The following ZNF525 variants were observed in gnomAD, a reference collection of about 807,000 sequenced individuals.
ZNF525 encodes the protein zinc finger protein 525.
A neutral mutation model predicts 37.6 loss-of-function variants in ZNF525; 33 were observed. The ratio of observed to expected loss-of-function variants is 0.88; its 90% CI spans 0.67 to 1.17. The LOEUF (loss-of-function observed/expected upper bound fraction) is 1.17, where lower values mean the gene tolerates loss of function less well. ZNF525 is among the 50% of genes most tolerant of loss of function. The pLI, the probability that ZNF525 is intolerant of heterozygous loss-of-function variation, is 0.00. For synonymous variants in ZNF525, 170 were observed against 182.3 expected (o/e 0.93, Z 0.54); for missense variants, 449 against 543.1 (o/e 0.83, Z 1.72).
chr19:53,379,752 A>G (rs995918635), intron 3 of ZNF525, among the ~76,000 whole-genome samples: 2 of 152,214 alleles, frequency 1.3e-5, no homozygotes, highest in African/African-American at 2.4e-5. Context: ...CTGCAATCCC[A>G]GGACTTTGGG....
chr19:53,383,514 G>C lies in ZNF525; in HGVS notation c.*1495G>C. 8.4e-7 allele frequency: 1 copy of C among 1,196,124 alleles called. No individual in the cohort carries two copies. Among genetic ancestry groups the C allele is most frequent in the Non-Finnish European group, 1.2e-6 (1 of 844,794 alleles). The allele number at this position is 1,196,124 out of a possible 1,614,324, so 74.1% of individuals were successfully genotyped here. On this transcript the variant is annotated 3_prime_UTR_variant, in exon 4 of 4. Transcript: ENST00000474037. ...AGAGTTTTTGACAAGGCTTTCGGACGTGATTCACACCTGGCACAACATCCC... is the reference window on the plus strand; with the variant it reads ...AGAGTTTTTGACAAGGCTTTCGGACCTGATTCACACCTGGCACAACATCCC...
Position 53,386,048 on chromosome 19 carries a change from C to G in ZNF525, c.*4029C>G. 1 of 319,184 alleles carries G rather than the reference C, an allele frequency of 3.1e-6. No individual in the cohort carries two copies. The highest frequency in any genetic ancestry group is 2.7e-5 in the South Asian group (1 of 36,510). The allele number at this position is 319,184 out of a possible 1,614,324, so 19.8% of individuals were successfully genotyped here. ...GCATGCGCCTGTAATCCCAGCTACT[C>G]AGGAGGCTGAGGCAGGGGAATCTCT... On this transcript the variant is annotated 3_prime_UTR_variant, in exon 4 of 4. Transcript: ENST00000474037.
At chr19:53,366,577 G>A (rs1342887965) in intron 1 of ZNF525, among the ~76,000 whole-genome samples, 1 of 149,978 alleles carries the variant, frequency 6.7e-6, no homozygotes, top group African/African-American at 2.5e-5. Context: ...GAGGAGAAAA[G>A]CAACTAGAGA....
rs2085585073 is a variant in ZNF525 at position 53,383,728 on chromosome 19, A to C, written c.*1709A>C. On this transcript the variant is annotated 3_prime_UTR_variant, in exon 4 of 4. Transcript: ENST00000474037. ...ACTGGAGAAGCCATAATGAAGAGAGATCTTACAAATGTAATAATTGTGGCA... is the reference window on the plus strand; with the variant it reads ...ACTGGAGAAGCCATAATGAAGAGAGCTCTTACAAATGTAATAATTGTGGCA... The C allele has an allele frequency of 4.8e-6, 3 of 619,116 alleles. No individual in the cohort carries two copies. The South Asian group carries it at 5.0e-5, about 10-fold the overall frequency. The allele number at this position is 619,116 out of a possible 1,614,324, so 38.4% of individuals were successfully genotyped here.
Position 53,383,561 on chromosome 19 carries a change from C to T in ZNF525, c.*1542C>T. 1 of 1,450,796 alleles carries T rather than the reference C, an allele frequency of 6.9e-7. No homozygotes were observed. The allele number at this position is 1,450,796 out of a possible 1,614,324, so 89.9% of individuals were successfully genotyped here. A position where few individuals can be genotyped will look rare whatever the true frequency, so the allele number is the denominator to read the frequency against. ...TCCCAGAGTTCACACTGGAGAGAAA[C>T]CTTACAAGTGTAATGAGTGTGTCAA... On this transcript the variant is annotated 3_prime_UTR_variant, in exon 4 of 4. Transcript: ENST00000474037.
chr19:53,369,175 C>T (rs12975688), intron 1 of ZNF525, among the ~76,000 whole-genome samples: 63,786 of 151,906 alleles, frequency 0.42, 15,002 homozygotes, highest in Non-Finnish European at 0.52. Context: ...CAGGTGAAAA[C>T]TTGGAGTTAT....
intron 2 of ZNF525, among the ~76,000 whole-genome samples, chr19:53,375,158 G>A (rs1463043801): frequency 6.6e-6 from 1 of 152,018 alleles, no homozygotes. Context: ...CTGGGTAGCT[G>A]GGATAACAGG....
rs893851741 is a variant in ZNF525, at chr19:53,385,879, GA to G, written c.*3869del. ...GCAGACCTTCCACATCATTTTTACA[GA>G]AAAAAAAATTAATCTTGTTCATGCT... is the stretch of plus-strand genomic sequence containing the variant. On this transcript the variant is annotated 3_prime_UTR_variant, in exon 4 of 4. Transcript: ENST00000474037. 4.4e-4 allele frequency: 72 copies of G among 163,784 alleles called. No individual in the cohort carries two copies. Among genetic ancestry groups the G allele is most frequent in the African/African-American group, 1.6e-3 (65 of 41,402 alleles). 10.1% of individuals were successfully genotyped at this position (163,784 alleles called of 1,614,324 possible).
At chr19:53,378,548 A>G (rs2085537815) in intron 3 of ZNF525, among the ~76,000 whole-genome samples, 1 of 152,210 alleles carries the variant, frequency 6.6e-6, no homozygotes, top group African/African-American at 2.4e-5. Context: ...AAACAAAAAA[A>G]GAAATAGCTT....
In ZNF525 at chr19:53,386,219, C is replaced by A; in HGVS notation, c.*4200C>A. 1 of 638,432 alleles carries A rather than the reference C, an allele frequency of 1.6e-6. No homozygotes were observed. Among genetic ancestry groups the A allele is most frequent in the Non-Finnish European group, 3.0e-6 (1 of 337,310 alleles). The allele number at this position is 638,432 out of a possible 1,614,324, so 39.5% of individuals were successfully genotyped here. A position where few individuals can be genotyped will look rare whatever the true frequency, so the allele number is the denominator to read the frequency against. On this transcript the variant is annotated 3_prime_UTR_variant, in exon 4 of 4. Coordinates refer to ENST00000474037, the MANE Select transcript of ZNF525 (RefSeq NM_001348156.2). ...CTTTGCCATCGTGGTGTGTGCTTGA[C>A]TCTGCTTCTTGCCACATCTTCTCAG...
At chr19:53,372,024 G>T (rs911228164) in intron 1 of ZNF525, among the ~76,000 whole-genome samples, 191 bp from the exon 2 acceptor site, 15 of 152,102 alleles carry the variant, frequency 9.9e-5, no homozygotes, top group African/African-American at 3.4e-4. Flanking sequence ...CTGCTGCAGC[G>T]TGTGTGTAGG....
rs2085594496 is a variant in ZNF525 at position 53,384,941 on chromosome 19, A to G, written c.*2922A>G. ...TTCATGGATGTTCTTTCTATTGTTG[A>G]GGTAAATTTCCTTTTCTATTTTGTT... On this transcript the variant is annotated 3_prime_UTR_variant, in exon 4 of 4. Transcript: ENST00000474037. 2.9e-6 allele frequency: 2 copies of G among 700,620 alleles called. No individual in the cohort carries two copies. The highest frequency in any genetic ancestry group is 3.5e-5 in the African/African-American group (2 of 57,068). 43.4% of individuals were successfully genotyped at this position (700,620 alleles called of 1,614,324 possible).
In ZNF525 at chr19:53,381,740, T is replaced by C. The variant is rs1329932203; in HGVS notation, c.1161T>C (p.Asp387=). 5 of 1,076,908 alleles carry C rather than the reference T, an allele frequency of 4.6e-6. No homozygotes were observed. Among genetic ancestry groups the C allele is most frequent in the South Asian group, 2.5e-5 (2 of 80,094 alleles). The allele number at this position is 1,076,908 out of a possible 1,614,324, so 66.7% of individuals were successfully genotyped here. The change falls in exon 4 of 4, where the codon GAT becomes GAC. Residue 387 remains aspartate, a synonymous_variant. Coordinates refer to ENST00000474037, the MANE Select transcript of ZNF525 (RefSeq NM_001348156.2). ...GAGAGAAACCATACAAGTGTAATGA[T>C]TGTGGCAAGACCTTCAGTCATATGT... ...HTGEKPYKCN[D]CGKTFSHMST... is the part of the protein sequence containing the mutation.
At position 53,375,887 on chromosome 19, in the gene ZNF525, G is replaced by A. The variant is rs2085518178; in HGVS notation, c.133G>A (p.Val45Ile). 1 of 1,613,600 alleles carries A rather than the reference G, an allele frequency of 6.2e-7. No individual in the cohort carries two copies. Among genetic ancestry groups the A allele is most frequent in the South Asian group, 1.1e-5 (1 of 91,034 alleles). ...DVMLENYRNL[V>I]SLGISSKCTM... ...GATGCTGGAGAATTATAGGAACCTGGTCTCCCTGGGTGAGGATAACTTCCC... is the reference window on the plus strand; with the variant it reads ...GATGCTGGAGAATTATAGGAACCTGATCTCCCTGGGTGAGGATAACTTCCC... Residue 45 changes from valine (V) to isoleucine (I), a missense_variant, in exon 3 of 4, where the codon GTC becomes ATC. Around this residue, in one of 2 missense-constraint regions of ZNF525, gnomAD observed 271 missense variants for 381.6 expected, o/e 0.71. Coordinates refer to ENST00000474037, the MANE Select transcript of ZNF525 (RefSeq NM_001348156.2).
At chr19:53,376,435 G>T in intron 3 of ZNF525, 1 of 588,740 alleles carries the variant, frequency 1.7e-6, no homozygotes. Flanking sequence ...CATATTATCT[G>T]TATTTCTTGA....
At position 53,382,345 on chromosome 19, in the gene ZNF525, G is replaced by T; in HGVS notation, c.*326G>T. ...TGTGAAGAATGTGATGAAACTTTCA[G>T]ATACAAATCAAATCTTGAAAGACAT... On this transcript the variant is annotated 3_prime_UTR_variant, in exon 4 of 4. Coordinates refer to ENST00000474037, the MANE Select transcript of ZNF525 (RefSeq NM_001348156.2). 7.9e-7 allele frequency: 1 copy of T among 1,267,370 alleles called. No homozygotes were observed. Among genetic ancestry groups the T allele is most frequent in the Non-Finnish European group, 1.2e-6 (1 of 867,374 alleles). The allele number at this position is 1,267,370 out of a possible 1,614,324, so 78.5% of individuals were successfully genotyped here.
In ZNF525 at chr19:53,386,108, A is replaced by G. The variant is rs2147078130; in HGVS notation, c.*4089A>G. On this transcript the variant is annotated 3_prime_UTR_variant, in exon 4 of 4. Coordinates refer to ENST00000474037, the MANE Select transcript of ZNF525 (RefSeq NM_001348156.2). ...GAGGTGGAGGATGCAGTGAACTGAG[A>G]TGGCAACATTACACTCTAGCCTGAG... The G allele has an allele frequency of 2.7e-6, 1 of 374,618 alleles. No homozygotes were observed. The highest frequency in any genetic ancestry group is 3.7e-5 in the Admixed American group (1 of 27,352). The allele number at this position is 374,618 out of a possible 1,614,324, so 23.2% of individuals were successfully genotyped here. A position where few individuals can be genotyped will look rare whatever the true frequency, so the allele number is the denominator to read the frequency against.
At chr19:53,368,047 G>A in intron 1 of ZNF525, among the ~76,000 whole-genome samples, 1 of 151,640 alleles carries the variant, frequency 6.6e-6, no homozygotes, top group Middle Eastern at 3.4e-3. Context: ...TATCTCTTTT[G>A]TTTTTTTTCT....
Position 53,381,438 on chromosome 19 carries a change from A to G in ZNF525, c.859A>G (p.Thr287Ala), listed in dbSNP as rs10415690. The change falls in exon 4 of 4, where the codon ACA becomes GCA. Residue 287 changes from threonine to alanine, a missense_variant. By Grantham distance (58) the Thr-to-Ala change is moderately conservative. This residue lies in a region of ZNF525 where 271 missense variants were observed against 381.6 expected (regional missense o/e 0.71). Coordinates refer to ENST00000474037, the MANE Select transcript of ZNF525 (RefSeq NM_001348156.2). ...GKSFSQMSSL[T>A]YHHRLHTGEK... ...GTCCTTCAGTCAGATGTCATCCCTT[A>G]CATATCATCATCGACTTCATACTGG... 1.2e-3 allele frequency: 1,878 copies of G among 1,519,796 alleles called. 12 individuals are homozygous for G. In the African/African-American group the frequency reaches 0.023, roughly 18 times the overall value. 94.1% of individuals were successfully genotyped at this position (1,519,796 alleles called of 1,614,324 possible).
Sources: gnomAD v4.1 joint callset for allele counts (sites outside exome capture counted in the v4.1 genomes callset) on GRCh38, gnomAD v4.1.1 for gene constraint, gnomAD v4.1.1 regional missense constraint, MANE v1.5 for transcripts, NCBI Gene and HGNC (gene_info 2026-07-23, HGNC 2026-07-21) for gene names.